Variants in XKR4 observed in about 807,000 individuals in gnomAD.
XKR4 encodes the protein XK-related protein 4.
XKR4 carries 12 observed loss-of-function variants against 53.9 expected under a neutral mutation model. The observed-to-expected ratio is 0.22, with a 90% CI of 0.14 to 0.36. XKR4 has a LOEUF of 0.36. XKR4 is among the 10% of genes least tolerant of loss of function. The pLI is 1.00. For synonymous variants in XKR4, 354 were observed against 362.4 expected, an observed-to-expected ratio of 0.98 and a Z score of 0.26; for missense variants, 799 against 859.5, an observed-to-expected ratio of 0.93 and a Z score of 0.88.
intron 2 of XKR4, among the ~76,000 whole-genome samples, chr8:55,399,372 G>A (rs1452056432): frequency 6.6e-6 from 1 of 152,240 alleles, no homozygotes. Context: ...ACTCTTTCTG[G>A]AATGCGCCAG....
chr8:55,238,925 A>G lies in XKR4; in HGVS notation c.807-118753A>G, dbSNP rs146658595. 2.3e-3 allele frequency among the ~76,000 whole-genome samples: 347 copies of G among 152,252 alleles called. 1 individual carries two copies. The highest frequency in any genetic ancestry group is 7.8e-3 in the African/African-American group (325 of 41,552). ...TAAATAAGTAAATGGTGGAGTTACAACTCAGTTCTCTATCTATCTGACTTT... is the reference window on the plus strand; with the variant it reads ...TAAATAAGTAAATGGTGGAGTTACAGCTCAGTTCTCTATCTATCTGACTTT... On this transcript the variant is annotated intron_variant, in intron 1 of 2. Coordinates refer to ENST00000327381, the MANE Select transcript of XKR4 (RefSeq NM_052898.2).
At chr8:55,133,426 C>T (rs10504181) in intron 1 of XKR4, among the ~76,000 whole-genome samples, 3,014 of 152,290 alleles carry the variant, frequency 0.02, 101 homozygotes, top group African/African-American at 0.069. Flanking sequence ...AAATTCCACA[C>T]ACTCGGTTCT....
chr8:55,280,574 G>T (rs536282655), intron 1 of XKR4, among the ~76,000 whole-genome samples: 1 of 152,280 alleles, frequency 6.6e-6, no homozygotes, highest in African/African-American at 2.4e-5. Context: ...CCTACAGTTT[G>T]CTTGACTATT....
intron 1 of XKR4, among the ~76,000 whole-genome samples, chr8:55,118,759 C>T (rs147130470): frequency 1.4e-3 from 215 of 152,280 alleles, no homozygotes; most frequent in African/African-American, 4.7e-3. Flanking sequence ...TTCTTTGTAG[C>T]ATTCCATGAA....
chr8:55,457,670 G>A (rs1585584755), intron 2 of XKR4, among the ~76,000 whole-genome samples: 1 of 152,134 alleles, frequency 6.6e-6, no homozygotes, highest in Admixed American at 6.5e-5. Context: ...AAGTTCACGG[G>A]GAGAAATGAA....
intron 1 of XKR4, among the ~76,000 whole-genome samples, chr8:55,203,651 T>A (rs759241407): frequency 6.6e-6 from 1 of 152,096 alleles, no homozygotes; most frequent in East Asian, 1.9e-4. Flanking sequence ...GGAACCTGAC[T>A]CAGCACCACG....
At chr8:55,285,878 A>G (rs1258761721) in intron 1 of XKR4, among the ~76,000 whole-genome samples, 1 of 152,150 alleles carries the variant, frequency 6.6e-6, no homozygotes, top group Non-Finnish European at 1.5e-5. Flanking sequence ...TCAACCTATT[A>G]CACCTCTCTT....
intron 2 of XKR4, among the ~76,000 whole-genome samples, chr8:55,396,922 A>C (rs1463613386): frequency 6.6e-6 from 1 of 152,222 alleles, no homozygotes; most frequent in East Asian, 1.9e-4. Context: ...ATCTCTTTGA[A>C]TATATTTTCC....
At chr8:55,494,748 G>A (rs1806317645) in intron 2 of XKR4, among the ~76,000 whole-genome samples, 1 of 152,146 alleles carries the variant, frequency 6.6e-6, no homozygotes, top group Non-Finnish European at 1.5e-5. Context: ...CTTTGAGTCT[G>A]GCTGAGTCTG....
At chr8:55,368,462 C>T (rs948762328) in intron 2 of XKR4, among the ~76,000 whole-genome samples, 9 of 152,156 alleles carry the variant, frequency 5.9e-5, no homozygotes, top group African/African-American at 2.2e-4. Context: ...CTGGCTGCTG[C>T]CCCATCAAGG....
chr8:55,188,491 T>G (rs1817406631), intron 1 of XKR4, among the ~76,000 whole-genome samples: 1 of 152,234 alleles, frequency 6.6e-6, no homozygotes, highest in Admixed American at 6.5e-5. Flanking sequence ...AAGTTGAGAC[T>G]ATACCCTCTT....
At chr8:55,450,558 G>C in intron 2 of XKR4, 1 of 707,074 alleles carries the variant, frequency 1.4e-6, no homozygotes, top group Admixed American at 1.9e-5. Context: ...GACACGTGGT[G>C]GTAGCCGAGG....
At chr8:55,150,781 G>A (rs1401151749) in intron 1 of XKR4, among the ~76,000 whole-genome samples, 1 of 152,116 alleles carries the variant, frequency 6.6e-6, no homozygotes, top group Non-Finnish European at 1.5e-5. Flanking sequence ...AGCTCCATGG[G>A]TAGATGATGG....
intron 1 of XKR4, among the ~76,000 whole-genome samples, chr8:55,113,272 A>G (rs1816258657): frequency 6.6e-6 from 1 of 152,360 alleles, no homozygotes; most frequent in African/African-American, 2.4e-5. Flanking sequence ...CTAATCTGCT[A>G]ATAGGAAAGT....
chr8:55,248,569 T>G (rs1377512147), intron 1 of XKR4, among the ~76,000 whole-genome samples: 1 of 152,262 alleles, frequency 6.6e-6, no homozygotes, highest in East Asian at 1.9e-4. Flanking sequence ...TGTTTATAAA[T>G]GGCCCTTCTA....
intron 1 of XKR4, among the ~76,000 whole-genome samples, chr8:55,274,522 T>C (rs1384412465): frequency 6.6e-6 from 1 of 151,282 alleles, no homozygotes; most frequent in Non-Finnish European, 1.5e-5. Context: ...AGCCTCCGCC[T>C]CCCGGGTTCA....
intron 1 of XKR4, among the ~76,000 whole-genome samples, chr8:55,105,110 G>C (rs928993544): frequency 6.6e-6 from 1 of 152,082 alleles, no homozygotes; most frequent in Non-Finnish European, 1.5e-5. Flanking sequence ...TTTACAGATT[G>C]ATTCTTTATG....
rs138688093 is a variant in XKR4 at position 55,474,786 on chromosome 8, A to G, written c.1007-48495A>G. 1.6e-4 allele frequency among the ~76,000 whole-genome samples: 25 copies of G among 152,236 alleles called. No homozygotes were observed. In the East Asian group the frequency reaches 4.0e-3, roughly 25 times the overall value. On this transcript the variant is annotated intron_variant, in intron 2 of 2. Coordinates refer to ENST00000327381, the MANE Select transcript of XKR4 (RefSeq NM_052898.2). ...GAGTGCTGGAGGAACCATGCACCCA[A>G]TGCTTTATTCCCGTATCTCATTAGG...
At chr8:55,277,618 G>T (rs1818782198) in intron 1 of XKR4, among the ~76,000 whole-genome samples, 1 of 152,096 alleles carries the variant, frequency 6.6e-6, no homozygotes, top group Non-Finnish European at 1.5e-5. Context: ...ATTAGGTCAG[G>T]TGTGGAATTT....
Sources: gnomAD v4.1 joint callset for allele counts (sites outside exome capture counted in the v4.1 genomes callset) on GRCh38, gnomAD v4.1.1 for gene constraint, MANE v1.5 for transcripts, NCBI Gene and HGNC (gene_info 2026-07-23, HGNC 2026-07-21) for gene names.